TBC1D5: variants seen among roughly 807,000 people sequenced by gnomAD.
TBC1D5 encodes the protein TBC1 domain family, member 5.
Under a neutral mutation model 100.3 loss-of-function variants are expected in TBC1D5, and 75 were observed. The ratio of observed to expected loss-of-function variants is 0.75; its 90% CI spans 0.62 to 0.91. The LOEUF is 0.91. Among genes scored for constraint, TBC1D5 ranks in the 40% least tolerant of loss-of-function variants. The pLI is 0.00. For synonymous variants in TBC1D5, 323 were observed against 325.6 expected, an observed-to-expected ratio of 0.99 and a Z score of 0.09; for missense variants, 910 against 942.4, an observed-to-expected ratio of 0.97 and a Z score of 0.45.
intron 1 of TBC1D5, among the ~76,000 whole-genome samples, chr3:17,661,030 T>C (rs931259744): frequency 2.6e-5 from 4 of 152,200 alleles, no homozygotes; most frequent in African/African-American, 9.6e-5. Context: ...GACAAATAAA[T>C]AACATGTATA....
At chr3:17,637,059 T>C (rs982514355) in intron 1 of TBC1D5, among the ~76,000 whole-genome samples, 33 of 150,432 alleles carry the variant, frequency 2.2e-4, no homozygotes, top group Non-Finnish European at 4.1e-4. Flanking sequence ...TGTCACTCTG[T>C]CGCCCAGGCT....
chr3:17,207,228 C>A lies in TBC1D5; in HGVS notation c.1752+6979G>T, dbSNP rs74283412. On this transcript the variant is annotated intron_variant, in intron 18 of 21. Coordinates refer to ENST00000253692, the Ensembl canonical transcript of TBC1D5. ...ATATTCTTAGAAAATGATTTGGCAACAATCATAGAACATGACTAACAGTGC... is the reference window on the plus strand; with the variant it reads ...ATATTCTTAGAAAATGATTTGGCAAAAATCATAGAACATGACTAACAGTGC... Among the ~76,000 whole-genome samples the A allele has an allele frequency of 8.2e-4, 125 of 152,226 alleles. 2 individuals carry two copies. The East Asian group carries it at 0.021, about 26-fold the overall frequency.
intron 3 of TBC1D5, among the ~76,000 whole-genome samples, chr3:17,461,378 G>T (rs1329524447): frequency 6.6e-6 from 1 of 152,158 alleles, no homozygotes. Flanking sequence ...ATCCAAGACT[G>T]AGAAGATTTC....
chr3:17,619,013 GT>G (rs2062426670), intron 2 of TBC1D5, among the ~76,000 whole-genome samples: 1 of 152,128 alleles, frequency 6.6e-6, no homozygotes, highest in Non-Finnish European at 1.5e-5. Context: ...GACCGGAGCT[GT>G]TCCTATTCAG....
intron 18 of TBC1D5, among the ~76,000 whole-genome samples, chr3:17,187,573 G>C (rs1291063566): frequency 6.6e-6 from 1 of 152,178 alleles, no homozygotes; most frequent in Non-Finnish European, 1.5e-5. Flanking sequence ...ATCTATGATG[G>C]GAGTACTAGA....
intron 13 of TBC1D5, among the ~76,000 whole-genome samples, chr3:17,339,829 G>A (rs1201676374): frequency 6.6e-6 from 1 of 152,112 alleles, no homozygotes; most frequent in African/African-American, 2.4e-5. Flanking sequence ...AAAGACATTG[G>A]TCAGTTTCTA....
At chr3:17,457,415 C>T (rs1276314191) in intron 3 of TBC1D5, among the ~76,000 whole-genome samples, 1 of 152,086 alleles carries the variant, frequency 6.6e-6, no homozygotes, top group Non-Finnish European at 1.5e-5. Context: ...TTTCTATTGA[C>T]CTATCTTTCA....
At chr3:17,684,284 G>A (rs2069937051) in intron 1 of TBC1D5, among the ~76,000 whole-genome samples, 2 of 151,778 alleles carry the variant, frequency 1.3e-5, no homozygotes, top group Non-Finnish European at 2.9e-5. Context: ...GATACTAAAG[G>A]AACATTCCAA....
intron 19 of TBC1D5, among the ~76,000 whole-genome samples, chr3:17,170,932 A>G (rs1021371588): frequency 1.3e-5 from 2 of 152,192 alleles, no homozygotes; most frequent in African/African-American, 4.8e-5. Flanking sequence ...TTTGATTATC[A>G]TTGGTGGAGA....
intron 3 of TBC1D5, among the ~76,000 whole-genome samples, chr3:17,500,739 A>G (rs972091183): frequency 2.0e-5 from 3 of 149,546 alleles, no homozygotes; most frequent in Non-Finnish European, 2.9e-5. Flanking sequence ...TACTATTAAA[A>G]TACTTCCTCT....
intron 15 of TBC1D5, among the ~76,000 whole-genome samples, chr3:17,275,753 A>C (rs1252628368): frequency 6.6e-6 from 1 of 152,240 alleles, no homozygotes; most frequent in Non-Finnish European, 1.5e-5. Context: ...ATATGGGCAA[A>C]GCCAGTGGGA....
At chr3:17,514,725 C>T (rs1385349892) in intron 2 of TBC1D5, among the ~76,000 whole-genome samples, 1 of 152,046 alleles carries the variant, frequency 6.6e-6, no homozygotes, top group African/African-American at 2.4e-5. Flanking sequence ...ACACTTGTGA[C>T]CACATAAACC....
chr3:17,516,995 G>T (rs2095998628), intron 2 of TBC1D5, among the ~76,000 whole-genome samples: 1 of 152,108 alleles, frequency 6.6e-6, no homozygotes, highest in African/African-American at 2.4e-5. Flanking sequence ...TATCATTCAG[G>T]TTATCTGCCC....
intron 13 of TBC1D5, among the ~76,000 whole-genome samples, chr3:17,317,886 C>G (rs1217891320): frequency 1.3e-5 from 2 of 151,946 alleles, no homozygotes; most frequent in Non-Finnish European, 2.9e-5. Flanking sequence ...GGTATATACC[C>G]AAAGGATTAT....
At chr3:17,549,960 T>G (rs1012324254) in intron 2 of TBC1D5, among the ~76,000 whole-genome samples, 4 of 150,254 alleles carry the variant, frequency 2.7e-5, no homozygotes, top group African/African-American at 7.3e-5. Flanking sequence ...ATAGTAATAA[T>G]AAGAATAATA....
chr3:17,347,977 T>C (rs1432662625), intron 13 of TBC1D5, among the ~76,000 whole-genome samples: 2 of 151,096 alleles, frequency 1.3e-5, no homozygotes, highest in South Asian at 2.1e-4. Flanking sequence ...CACTCCAGCC[T>C]GGGTGACAGA....
chr3:17,614,319 T>G (rs943485197), intron 2 of TBC1D5, among the ~76,000 whole-genome samples: 2 of 152,188 alleles, frequency 1.3e-5, no homozygotes, highest in South Asian at 2.1e-4. Context: ...GTCAGGTAGC[T>G]TGATGCCTCC....
intron 2 of TBC1D5, among the ~76,000 whole-genome samples, chr3:17,514,747 G>A (rs1239265575): frequency 6.6e-6 from 1 of 152,060 alleles, no homozygotes; most frequent in East Asian, 1.9e-4. Context: ...AGAGAAAACT[G>A]AGCACTATAA....
chr3:17,188,469 G>A (rs377019425), intron 18 of TBC1D5, among the ~76,000 whole-genome samples: 2 of 152,184 alleles, frequency 1.3e-5, no homozygotes, highest in East Asian at 3.8e-4. Context: ...AGCCAAATAT[G>A]TGAGATAAAA....
Sources: gnomAD v4.1 joint callset for allele counts (sites outside exome capture counted in the v4.1 genomes callset) on GRCh38, gnomAD v4.1.1 for gene constraint, MANE v1.5 for transcripts, NCBI Gene and HGNC (gene_info 2026-07-23, HGNC 2026-07-21) for gene names.